The following ETV6 variants were observed in gnomAD, a reference collection of about 807,000 sequenced individuals.
The protein encoded by ETV6 is ETS variant transcription factor 6, also known as transcription factor ETV6.
Under a neutral mutation model 51.1 loss-of-function variants are expected in ETV6, and 16 were observed. The ratio of observed to expected loss-of-function variants is 0.31; its 90% CI spans 0.21 to 0.48. The LOEUF is 0.48. Among genes scored for constraint, ETV6 ranks in the 20% least tolerant of loss-of-function variants. The probability of loss-of-function intolerance (pLI) is 0.99; values close to 1 mark genes in which losing one functional copy is unlikely to be tolerated. For missense variants in ETV6, 458 were observed against 594.8 expected (o/e 0.77, Z 2.39); for synonymous variants, 240 against 224.1 (o/e 1.07, Z -0.64).
chr12:11,762,040 G>A (rs1209902005), intron 2 of ETV6, among the ~76,000 whole-genome samples: 7 of 152,202 alleles, frequency 4.6e-5, no homozygotes, highest in Non-Finnish European at 1.5e-5. Flanking sequence ...CCTCCTGCAA[G>A]GAAATAGGGA....
chr12:11,666,849 C>A (rs1213138176), intron 1 of ETV6, among the ~76,000 whole-genome samples: 1 of 152,218 alleles, frequency 6.6e-6, no homozygotes, highest in Non-Finnish European at 1.5e-5. Context: ...CCAGCCCTGC[C>A]AGATTTGACT....
intron 2 of ETV6, among the ~76,000 whole-genome samples, chr12:11,783,494 GA>G: frequency 6.6e-6 from 1 of 152,276 alleles, no homozygotes; most frequent in Admixed American, 6.5e-5. Flanking sequence ...GGAATCGAGA[GA>G]AAAGATAGGA....
chr12:11,652,656 T>G (rs1863928211), intron 1 of ETV6, among the ~76,000 whole-genome samples: 1 of 152,134 alleles, frequency 6.6e-6, no homozygotes, highest in Non-Finnish European at 1.5e-5. Flanking sequence ...AAGTAGCGGG[T>G]CAGCAGGCAG....
At chr12:11,690,490 C>T (rs541787960) in intron 1 of ETV6, among the ~76,000 whole-genome samples, 2 of 152,114 alleles carry the variant, frequency 1.3e-5, no homozygotes, top group East Asian at 3.9e-4. Flanking sequence ...ACTCTGGAGA[C>T]TGAGGTGGGA....
chr12:11,721,737 T>G (rs192911543), intron 1 of ETV6, among the ~76,000 whole-genome samples: 208 of 152,320 alleles, frequency 1.4e-3, no homozygotes, highest in Admixed American at 3.8e-3. Context: ...GTTCTAGAAT[T>G]AAGCAAGGTA....
intron 1 of ETV6, among the ~76,000 whole-genome samples, chr12:11,677,130 A>G (rs531676902): frequency 1.1e-4 from 16 of 152,354 alleles, no homozygotes; most frequent in African/African-American, 1.9e-4. Flanking sequence ...AGGGAGGTCT[A>G]TTCTCTCTAC....
At chr12:11,885,320 C>T (rs1203768115) in intron 6 of ETV6, among the ~76,000 whole-genome samples, 5 of 152,210 alleles carry the variant, frequency 3.3e-5, no homozygotes, top group Non-Finnish European at 5.9e-5. Flanking sequence ...GTGGGTAATG[C>T]AGACCATGAC....
intron 1 of ETV6, among the ~76,000 whole-genome samples, chr12:11,727,776 C>T (rs996287252): frequency 2.0e-5 from 3 of 152,144 alleles, no homozygotes; most frequent in Non-Finnish European, 4.4e-5. Context: ...GACAGGAGAC[C>T]CCGCGGAGAA....
chr12:11,879,801 G>A (rs1947058328), intron 5 of ETV6, among the ~76,000 whole-genome samples: 1 of 152,136 alleles, frequency 6.6e-6, no homozygotes, highest in Admixed American at 6.5e-5. Context: ...GAAGTGGAGT[G>A]AACTTCTATT....
intron 2 of ETV6, among the ~76,000 whole-genome samples, chr12:11,811,078 T>C (rs1430802335): frequency 6.6e-6 from 1 of 152,150 alleles, no homozygotes; most frequent in Non-Finnish European, 1.5e-5. Flanking sequence ...CAGCAAATAA[T>C]TGATTCTTTT....
At chr12:11,865,414 T>A (rs1035966631) in intron 4 of ETV6, among the ~76,000 whole-genome samples, 1 of 151,856 alleles carries the variant, frequency 6.6e-6, no homozygotes, top group African/African-American at 2.4e-5. Context: ...TTTTTACAGT[T>A]TGGATCAGAA....
intron 1 of ETV6, among the ~76,000 whole-genome samples, chr12:11,657,611 A>G (rs559236486): frequency 1.2e-4 from 18 of 152,344 alleles, no homozygotes; most frequent in African/African-American, 3.8e-4. Flanking sequence ...GAGGTAGCCA[A>G]TGCATCTGCA....
intron 2 of ETV6, chr12:11,826,353 G>A (rs551262301): frequency 1.3e-5 from 2 of 152,268 alleles, no homozygotes; most frequent in East Asian, 1.9e-4. Flanking sequence ...CCTCTTTCCA[G>A]AACTCAGAAT....
At chr12:11,848,008 G>A (rs1946489316) in intron 3 of ETV6, among the ~76,000 whole-genome samples, 1 of 152,186 alleles carries the variant, frequency 6.6e-6, no homozygotes, top group Non-Finnish European at 1.5e-5. Flanking sequence ...CCATCCATAT[G>A]AATGTGACTT....
chr12:11,751,754 C>T, intron 1 of ETV6: 1 of 437,862 alleles, frequency 2.3e-6, no homozygotes, highest in Admixed American at 2.6e-5. Context: ...CTATGAAATA[C>T]TTCAGAGGGA....
In ETV6 at chr12:11,869,610, G is replaced by A; in HGVS notation, c.650G>A (p.Arg217Lys). ...NMIRRLSPAERAQGPRPHQEN... is the reference protein window; with the variant it reads ...NMIRRLSPAEKAQGPRPHQEN... ...ATCCGCCGCCTCTCCCCGGCTGAGA[G>A]AGCTCAGGGACCCAGGCCGCACCAG... Residue 217 changes from arginine to lysine, a missense_variant, in exon 5 of 8, where the codon AGA (arginine) becomes AAA (lysine). Transcript: ENST00000396373. This position sits in a 1 kb window ranked among gnomAD's most constrained non-coding sequence, Gnocchi z 5.0. The A allele has an allele frequency of 6.2e-7, 1 of 1,614,152 alleles. No individual in the cohort carries two copies. The highest frequency in any genetic ancestry group is 8.5e-7 in the Non-Finnish European group (1 of 1,180,036).
chr12:11,718,627 AG>A (rs1865324800), intron 1 of ETV6, among the ~76,000 whole-genome samples: 1 of 148,338 alleles, frequency 6.7e-6, no homozygotes, highest in Non-Finnish European at 1.5e-5. Context: ...AAAAAAAATT[AG>A]TTGGGCATGG....
intron 7 of ETV6, among the ~76,000 whole-genome samples, chr12:11,888,612 A>G (rs117574308): frequency 0.014 from 2,107 of 151,786 alleles, 32 homozygotes; most frequent in Middle Eastern, 0.027. Flanking sequence ...CATGTTGGCC[A>G]CTCTTGTCTC....
chr12:11,741,318 T>C (rs1865805124), intron 1 of ETV6, among the ~76,000 whole-genome samples: 1 of 152,158 alleles, frequency 6.6e-6, no homozygotes, highest in Admixed American at 6.5e-5. Flanking sequence ...TTCCCCAATC[T>C]CCAATCTCTC....
Sources: allele counts gnomAD v4.1 joint callset (sites outside exome capture counted in the v4.1 genomes callset), GRCh38; gene constraint gnomAD v4.1.1; non-coding constraint Gnocchi (gnomAD v3.1); transcripts MANE v1.5; gene names NCBI Gene and HGNC (gene_info 2026-07-23, HGNC 2026-07-21).